The following KCNN2 variants were observed in gnomAD, a reference collection of about 807,000 sequenced individuals.
The protein encoded by KCNN2 is small conductance calcium-activated potassium channel protein 2.
Under a neutral mutation model 55.5 loss-of-function variants are expected in KCNN2, and 24 were observed. The ratio of observed to expected loss-of-function variants is 0.43; its 90% confidence interval spans 0.31 to 0.61. The LOEUF (loss-of-function observed/expected upper bound fraction) is 0.61. Ranked by LOEUF, KCNN2 falls within the 20% of genes least tolerant of loss-of-function variation. The pLI, the probability that KCNN2 is intolerant of heterozygous loss-of-function variation, is 0.08. For missense variants in KCNN2, 754 were observed against 853.6 expected (o/e 0.88, Z 1.45); for synonymous variants, 431 against 336.1 (o/e 1.28, Z -3.09).
chr5:114,290,523 A>AT (rs1369316120), intron 2 of KCNN2, among the ~76,000 whole-genome samples: 9 of 151,684 alleles, frequency 5.9e-5, no homozygotes, highest in African/African-American at 1.9e-4. Context: ...AATTTCATTG[A>AT]TTTTTTTAAA....
intron 2 of KCNN2, among the ~76,000 whole-genome samples, chr5:114,346,040 C>A (rs1367892709): frequency 1.3e-5 from 2 of 152,128 alleles, no homozygotes; most frequent in East Asian, 3.9e-4. Flanking sequence ...CCACAGCCTC[C>A]CAAAATGTTG....
At chr5:114,228,331 A>C (rs1754284532) in intron 2 of KCNN2, among the ~76,000 whole-genome samples, 1 of 152,118 alleles carries the variant, frequency 6.6e-6, no homozygotes, top group African/African-American at 2.4e-5. Context: ...CAGCATGTAG[A>C]GTAGAAAAGA....
At chr5:114,202,674 C>T (rs945252765) in intron 1 of KCNN2, among the ~76,000 whole-genome samples, 14 of 149,842 alleles carry the variant, frequency 9.3e-5, no homozygotes, top group African/African-American at 3.2e-4. Flanking sequence ...GCAAGCTCCT[C>T]CTCCCGGGTT....
intron 2 of KCNN2, among the ~76,000 whole-genome samples, chr5:114,307,702 C>A (rs952521065): frequency 1.3e-5 from 2 of 152,194 alleles, no homozygotes; most frequent in Middle Eastern, 6.8e-3. Flanking sequence ...GTTCTCTGAT[C>A]GTATATAATA....
At chr5:114,353,390 C>T (rs1187824622) in intron 2 of KCNN2, among the ~76,000 whole-genome samples, 1 of 151,758 alleles carries the variant, frequency 6.6e-6, no homozygotes, top group Non-Finnish European at 1.5e-5. Context: ...ATCCTTTGTG[C>T]TGTTATTGTC....
intron 2 of KCNN2, among the ~76,000 whole-genome samples, chr5:114,243,286 C>T (rs180977893): frequency 3.7e-4 from 57 of 152,262 alleles, no homozygotes; most frequent in Admixed American, 1.0e-3. Context: ...CATATGTTTA[C>T]GGTAGTCTCC....
intron 3 of KCNN2, among the ~76,000 whole-genome samples, chr5:114,424,551 A>G (rs546588260): frequency 6.6e-6 from 1 of 152,336 alleles, no homozygotes; most frequent in African/African-American, 2.4e-5. Flanking sequence ...TGTTTTAGGT[A>G]TCTGAGTAAT....
At chr5:114,095,378 T>C (rs149587135) in intron 1 of KCNN2, among the ~76,000 whole-genome samples, 1 of 152,344 alleles carries the variant, frequency 6.6e-6, no homozygotes, top group East Asian at 1.9e-4. Flanking sequence ...TTGTGCTAAA[T>C]GTTTAATTCA....
chr5:114,487,328 A>G (rs1010036482), intron 6 of KCNN2, 151 bp downstream of exon 6: 22 of 679,488 alleles, frequency 3.2e-5, no homozygotes, highest in Non-Finnish European at 5.5e-5. Flanking sequence ...TCATTCCACA[A>G]TAAGATCCTG....
chr5:114,379,064 A>G (rs1466719026), intron 2 of KCNN2, among the ~76,000 whole-genome samples: 1 of 152,094 alleles, frequency 6.6e-6, no homozygotes, highest in Non-Finnish European at 1.5e-5. Context: ...TCCCCTTAGA[A>G]GCCCCTCAGG....
chr5:114,235,585 A>G (rs2112608838), intron 2 of KCNN2, among the ~76,000 whole-genome samples: 1 of 152,354 alleles, frequency 6.6e-6, no homozygotes, highest in Admixed American at 6.5e-5. Context: ...CTATCCATTT[A>G]TATTACCAAC....
At chr5:114,102,918 G>T (rs1031365498) in intron 1 of KCNN2, among the ~76,000 whole-genome samples, 2 of 152,040 alleles carry the variant, frequency 1.3e-5, no homozygotes, top group Non-Finnish European at 2.9e-5. Flanking sequence ...TTGGCTATAT[G>T]GGCTCTTTTT....
intron 2 of KCNN2, among the ~76,000 whole-genome samples, chr5:114,382,776 C>G (rs796474545): frequency 5.0e-4 from 76 of 152,312 alleles, no homozygotes; most frequent in African/African-American, 1.7e-3. Flanking sequence ...TCTCACAACT[C>G]CAGTCATATG....
intron 3 of KCNN2, among the ~76,000 whole-genome samples, chr5:114,451,270 C>T (rs970551361): frequency 1.3e-5 from 2 of 152,130 alleles, no homozygotes; most frequent in Non-Finnish European, 2.9e-5. Flanking sequence ...ATTGGGACAT[C>T]GAACTTTATT....
intron 2 of KCNN2, among the ~76,000 whole-genome samples, chr5:114,272,224 T>C (rs1280488780): frequency 6.6e-6 from 1 of 151,868 alleles, no homozygotes; most frequent in Non-Finnish European, 1.5e-5. Flanking sequence ...CACTTATCTA[T>C]GTGTGTATAT....
intron 2 of KCNN2, among the ~76,000 whole-genome samples, chr5:114,247,967 A>G (rs1754780297): frequency 6.6e-6 from 1 of 151,954 alleles, no homozygotes; most frequent in Non-Finnish European, 1.5e-5. Flanking sequence ...TCCACCTGAG[A>G]CTTTGGACTT....
intron 3 of KCNN2, among the ~76,000 whole-genome samples, chr5:114,434,324 T>G (rs1759925643): frequency 6.6e-6 from 1 of 152,184 alleles, no homozygotes; most frequent in Admixed American, 6.5e-5. Context: ...GCATTTCTTT[T>G]TGGTTTTTTC....
chr5:114,127,574 C>T (rs904840620), intron 1 of KCNN2, among the ~76,000 whole-genome samples: 2 of 152,276 alleles, frequency 1.3e-5, no homozygotes, highest in African/African-American at 4.8e-5. Context: ...GGCCTCTGGC[C>T]ATGTGATGGG....
intron 1 of KCNN2, among the ~76,000 whole-genome samples, chr5:114,203,455 C>A (rs1182272980): frequency 6.6e-6 from 1 of 152,140 alleles, no homozygotes; most frequent in East Asian, 1.9e-4. Flanking sequence ...GAATTTTCAT[C>A]AGTGCAAATA....
Sources: gnomAD v4.1 joint callset for allele counts (sites outside exome capture counted in the v4.1 genomes callset) on GRCh38, gnomAD v4.1.1 for gene constraint, MANE v1.5 for transcripts, NCBI Gene and HGNC (gene_info 2026-07-23, HGNC 2026-07-21) for gene names.